Variants in MACF1 observed in about 807,000 individuals in gnomAD.
The protein encoded by MACF1 is microtubule-actin cross-linking factor 1.
Under a neutral mutation model 854.8 loss-of-function variants are expected in MACF1, and 193 were observed. The observed-to-expected ratio is 0.23, with a 90% CI of 0.20 to 0.25. MACF1 has a LOEUF of 0.25. Ranked by LOEUF, MACF1 falls within the 10% of genes least tolerant of loss-of-function variation. The probability of loss-of-function intolerance (pLI) is 1.00; values close to 1 mark genes in which losing one functional copy is unlikely to be tolerated. For missense variants in MACF1, 7,722 were observed against 8,929.1 expected (o/e 0.86, Z 5.45); for synonymous variants, 3,185 against 3,226.7 (o/e 0.99, Z 0.44).
chr1:39,102,172 CA>C (rs1295403492), intron 2 of MACF1, among the ~76,000 whole-genome samples: 1 of 123,642 alleles, frequency 8.1e-6, no homozygotes, highest in Non-Finnish European at 1.7e-5. Flanking sequence ...GAGACTCCGT[CA>C]AAAAAAAAGA....
At chr1:39,485,500 A>C in intron 100 of MACF1, 38 bp from the exon 101 acceptor site, 1 of 1,550,880 alleles carries the variant, frequency 6.4e-7, no homozygotes, top group Non-Finnish European at 8.7e-7. Flanking sequence ...ACCCCATGCC[A>C]TCTCTATTAA....
chr1:39,209,809 C>T (rs1644494964), intron 1 of MACF1, among the ~76,000 whole-genome samples: 1 of 152,118 alleles, frequency 6.6e-6, no homozygotes, highest in African/African-American at 2.4e-5. Context: ...TATCCTAGAG[C>T]CAGGCATGGT....
Position 39,350,963 on chromosome 1 carries a change from C to T in MACF1, c.11144C>T (p.Ala3715Val), listed in dbSNP as rs1402164861. 1.2e-6 allele frequency: 2 copies of T among 1,614,060 alleles called. No homozygotes were observed. Among genetic ancestry groups the T allele is most frequent in the Non-Finnish European group, 1.7e-6 (2 of 1,179,982 alleles). The change falls in exon 43 of 101, where the codon GCC becomes GTC. Residue 3715 changes from alanine to valine, a missense_variant. By Grantham distance (64) the Ala-to-Val change is moderately conservative. Coordinates refer to ENST00000564288, the MANE Select transcript of MACF1 (RefSeq NM_001394062.1). ...GCGCTCCAGGAAGAGACACGTGTGGCCCAGAAGGAACTGGAGGAAGCAGTG... is the reference window on the plus strand; with the variant it reads ...GCGCTCCAGGAAGAGACACGTGTGGTCCAGAAGGAACTGGAGGAAGCAGTG... Reference protein sequence around the residue: ...YEALQEETRVAQKELEEAVTS... With the variant: ...YEALQEETRVVQKELEEAVTS...
intron 49 of MACF1, among the ~76,000 whole-genome samples, chr1:39,364,523 C>A (rs374238385): frequency 2.0e-5 from 3 of 149,902 alleles, no homozygotes; most frequent in South Asian, 4.2e-4. Flanking sequence ...GACGGAGTCT[C>A]GCTCTGTCGC....
At chr1:39,307,524 A>G (rs1400538280) in intron 23 of MACF1, among the ~76,000 whole-genome samples, 1 of 152,174 alleles carries the variant, frequency 6.6e-6, no homozygotes, top group Non-Finnish European at 1.5e-5. Flanking sequence ...AATGAACACA[A>G]ACTAGAAACT....
chr1:39,103,279 C>A (rs1443782939), intron 2 of MACF1: 3 of 315,716 alleles, frequency 9.5e-6, no homozygotes, highest in Non-Finnish European at 1.8e-5. Context: ...TCTTGAGGAA[C>A]CTGCTCACAA....
intron 2 of MACF1, among the ~76,000 whole-genome samples, chr1:39,095,025 A>G (rs960284775): frequency 9.2e-5 from 14 of 152,134 alleles, no homozygotes; most frequent in African/African-American, 3.4e-4. Context: ...AGGAATCTTC[A>G]CGAGTTGTTA....
chr1:39,259,013 C>T (rs533135274), intron 6 of MACF1, among the ~76,000 whole-genome samples: 2 of 152,318 alleles, frequency 1.3e-5, no homozygotes, highest in South Asian at 4.1e-4. Flanking sequence ...TATCCTCAGG[C>T]AAGCTTTGGG....
intron 22 of MACF1, among the ~76,000 whole-genome samples, chr1:39,301,076 T>A (rs1393230091): frequency 6.6e-6 from 1 of 152,188 alleles, no homozygotes; most frequent in African/African-American, 2.4e-5. Flanking sequence ...CCCCATTTAG[T>A]GCACAAAGGA....
intron 5 of MACF1, 41 bp downstream of exon 5, chr1:39,254,416 T>G (rs1645075437): frequency 6.3e-7 from 1 of 1,577,600 alleles, no homozygotes; most frequent in African/African-American, 1.3e-5. Context: ...CCAGGCTGTG[T>G]TGGCATTGGG....
chr1:39,291,541 T>C lies in MACF1; in HGVS notation c.1786-369T>C, dbSNP rs1645790262. On this transcript the variant is annotated intron_variant, in intron 15 of 100. Coordinates refer to ENST00000564288, the MANE Select transcript of MACF1 (RefSeq NM_001394062.1). ...AATGAAGCTAAATATTTTCAGATACTTCTTTGTTATATCAGTTATGATTGT... is the reference window on the plus strand; with the variant it reads ...AATGAAGCTAAATATTTTCAGATACCTCTTTGTTATATCAGTTATGATTGT... Among the ~76,000 whole-genome samples the C allele has an allele frequency of 3.3e-5, 5 of 152,348 alleles. No individual in the cohort carries two copies. The South Asian group carries it at 1.0e-3, about 32-fold the overall frequency.
chr1:39,435,879 C>G (rs1443938167), intron 70 of MACF1, 118 bp downstream of exon 70: 3 of 818,630 alleles, frequency 3.7e-6, no homozygotes, highest in Non-Finnish European at 5.8e-6. Context: ...AATACGTGAT[C>G]GGTAGATAGA....
rs534383818 is a variant in MACF1 at position 39,400,873 on chromosome 1, A to G, written c.15816+12215A>G. ...CCTAGGGATCATCATTCTCCAGAAG[A>G]CTTGATCTAAGGCCCAGCACCAGAT... On this transcript the variant is annotated intron_variant, in intron 58 of 100. Transcript: ENST00000564288. Among the ~76,000 whole-genome samples, 35 of 152,288 alleles carry G rather than the reference A, an allele frequency of 2.3e-4. 1 individual carries two copies. Among genetic ancestry groups the G allele is most frequent in the African/African-American group, 8.4e-4 (35 of 41,560 alleles).
chr1:39,345,845 A>G (rs939882098), intron 40 of MACF1, among the ~76,000 whole-genome samples: 4 of 152,154 alleles, frequency 2.6e-5, no homozygotes, highest in Non-Finnish European at 5.9e-5. Flanking sequence ...AGGAGGGCAG[A>G]TCACTTGAGG....
At chr1:39,110,947 A>G (rs1053147778) in intron 2 of MACF1, among the ~76,000 whole-genome samples, 2 of 152,224 alleles carry the variant, frequency 1.3e-5, no homozygotes. Flanking sequence ...ACAATTATAG[A>G]TTGTAAGGAG....
At chr1:39,093,703 C>T (rs912667196) in intron 2 of MACF1, among the ~76,000 whole-genome samples, 1 of 152,030 alleles carries the variant, frequency 6.6e-6, no homozygotes, top group African/African-American at 2.4e-5. Context: ...CCAGGATGGT[C>T]TTAATCTCTT....
chr1:39,280,850 T>C (rs1352986012), intron 6 of MACF1, among the ~76,000 whole-genome samples: 2 of 152,194 alleles, frequency 1.3e-5, no homozygotes. Flanking sequence ...AGAGCTGGGA[T>C]TACAGGCGTG....
chr1:39,483,098 A>AG (rs1645043964), intron 99 of MACF1, among the ~76,000 whole-genome samples: 1 of 147,304 alleles, frequency 6.8e-6, no homozygotes, highest in African/African-American at 2.5e-5. Flanking sequence ...AAAAAAAAAA[A>AG]AAAAAAAAAA....
chr1:39,414,682 C>A, intron 58 of MACF1: 1 of 747,842 alleles, frequency 1.3e-6, no homozygotes, highest in Non-Finnish European at 2.1e-6. Context: ...TTTCATGCTT[C>A]GTTTTTTATT....
Sources: gnomAD v4.1 joint callset for allele counts (sites outside exome capture counted in the v4.1 genomes callset) on GRCh38, gnomAD v4.1.1 for gene constraint, MANE v1.5 for transcripts, NCBI Gene and HGNC (gene_info 2026-07-23, HGNC 2026-07-21) for gene names.